BACH2: variants seen among roughly 807,000 people sequenced by gnomAD.
The protein encoded by BACH2 is transcription regulator protein BACH2.
BACH2 carries 5 observed loss-of-function variants against 61.8 expected under a neutral mutation model. That is an observed-to-expected ratio of 0.08 (90% CI 0.04 to 0.17). The LOEUF (loss-of-function observed/expected upper bound fraction) is 0.17, where lower values mean the gene tolerates loss of function less well. Among genes scored for constraint, BACH2 ranks in the 10% least tolerant of loss-of-function variants. The pLI is 1.00. For missense variants in BACH2, 824 were observed against 1,091.1 expected, an observed-to-expected ratio of 0.76 and a Z score of 3.45; for synonymous variants, 446 against 440.1, an observed-to-expected ratio of 1.01 and a Z score of -0.17.
At chr6:90,122,903 C>T in intron 4 of BACH2, among the ~76,000 whole-genome samples, 1 of 152,106 alleles carries the variant, frequency 6.6e-6, no homozygotes, top group Non-Finnish European at 1.5e-5. Context: ...AAAAAAGAGA[C>T]ATAAAACCGG....
At chr6:90,261,307 T>C (rs1258685123) in intron 2 of BACH2, among the ~76,000 whole-genome samples, 1 of 152,298 alleles carries the variant, frequency 6.6e-6, no homozygotes, top group Non-Finnish European at 1.5e-5. Flanking sequence ...CTCCTTCTTC[T>C]TCCTGTCTAA....
chr6:90,294,303 C>A (rs1582575747), intron 1 of BACH2, among the ~76,000 whole-genome samples: 1 of 152,202 alleles, frequency 6.6e-6, no homozygotes, highest in Non-Finnish European at 1.5e-5. Flanking sequence ...AAATACGGCT[C>A]TGCACCAATA....
At position 90,228,261 on chromosome 6, in the gene BACH2, T is replaced by C. The variant is rs142400230; in HGVS notation, c.-274-21580A>G. On this transcript the variant is annotated intron_variant, in intron 3 of 8. Transcript: ENST00000257749. ...TCTCCAACTTTCCACCATATCACTA[T>C]CTATCTGTAAGACGCTATCAGCCGT... Among the ~76,000 whole-genome samples the C allele has an allele frequency of 2.5e-3, 382 of 152,342 alleles. 7 individuals are homozygous for C. The highest frequency in any genetic ancestry group is 0.022 in the Admixed American group (341 of 15,294).
At chr6:90,215,871 C>A (rs1400236103) in intron 3 of BACH2, among the ~76,000 whole-genome samples, 1 of 152,172 alleles carries the variant, frequency 6.6e-6, no homozygotes, top group African/African-American at 2.4e-5. Context: ...CAGGTCCAGG[C>A]AGTTACCCCA....
chr6:90,186,739 G>A (rs1207845015), intron 4 of BACH2, among the ~76,000 whole-genome samples: 1 of 152,166 alleles, frequency 6.6e-6, no homozygotes, highest in Non-Finnish European at 1.5e-5. Flanking sequence ...TGAGTGTTAA[G>A]TGCTTCACTT....
At chr6:90,029,707 T>C (rs28667008) in intron 5 of BACH2, among the ~76,000 whole-genome samples, 1,525 of 152,294 alleles carry the variant, frequency 0.01, 20 homozygotes, top group African/African-American at 0.035. Flanking sequence ...AACAGGTCCA[T>C]ATGTCACTTC....
chr6:90,255,439 C>G (rs1377690399), intron 2 of BACH2, among the ~76,000 whole-genome samples: 5 of 152,092 alleles, frequency 3.3e-5, no homozygotes, highest in Non-Finnish European at 1.5e-5. Context: ...AGTGGTGAAA[C>G]TGAGACCCAA....
At chr6:89,978,685 A>C (rs1464202479) in intron 6 of BACH2, among the ~76,000 whole-genome samples, 10 of 151,594 alleles carry the variant, frequency 6.6e-5, no homozygotes, top group African/African-American at 2.2e-4. Context: ...ACATTAGCTT[A>C]AGACTTTAAA....
intron 3 of BACH2, among the ~76,000 whole-genome samples, chr6:90,224,819 C>T (rs1332535718): frequency 6.6e-6 from 1 of 152,110 alleles, no homozygotes; most frequent in African/African-American, 2.4e-5. Flanking sequence ...TATTTTAAGG[C>T]TCATCAAGTC....
intron 3 of BACH2, among the ~76,000 whole-genome samples, chr6:90,206,914 T>G (rs149886054): frequency 6.6e-6 from 1 of 152,242 alleles, no homozygotes; most frequent in African/African-American, 2.4e-5. Context: ...AGAAAGGCAG[T>G]GTACCATAAG....
intron 5 of BACH2, among the ~76,000 whole-genome samples, chr6:90,030,164 C>T (rs911883144): frequency 2.6e-5 from 4 of 152,162 alleles, no homozygotes; most frequent in African/African-American, 9.7e-5. Context: ...TGATCCCACC[C>T]CCTTATGTCC....
intron 6 of BACH2, among the ~76,000 whole-genome samples, chr6:89,989,246 C>A (rs912503328): frequency 6.6e-6 from 1 of 152,168 alleles, no homozygotes; most frequent in African/African-American, 2.4e-5. Flanking sequence ...AACAAATCTC[C>A]AGAACCTTTT....
chr6:90,221,652 G>A (rs1223104321), intron 3 of BACH2, among the ~76,000 whole-genome samples: 1 of 152,022 alleles, frequency 6.6e-6, no homozygotes, highest in Non-Finnish European at 1.5e-5. Context: ...GGGAAGGAGT[G>A]GCTAATTCTG....
chr6:90,240,088 T>TA (rs898088400), intron 3 of BACH2, among the ~76,000 whole-genome samples: 2 of 152,112 alleles, frequency 1.3e-5, no homozygotes, highest in African/African-American at 2.4e-5. Context: ...AATTAAGCAT[T>TA]AAAAAAATTC....
At chr6:90,186,872 C>G (rs1344435419) in intron 4 of BACH2, among the ~76,000 whole-genome samples, 1 of 152,212 alleles carries the variant, frequency 6.6e-6, no homozygotes, top group Non-Finnish European at 1.5e-5. Context: ...GCCTCTGTGT[C>G]AGAGCTGGAA....
intron 4 of BACH2, among the ~76,000 whole-genome samples, chr6:90,099,130 C>A (rs1782508579): frequency 6.6e-6 from 1 of 152,128 alleles, no homozygotes; most frequent in African/African-American, 2.4e-5. Context: ...CAAAAGCATA[C>A]TTCAGCCTTC....
At chr6:90,026,916 C>T (rs550847899) in intron 5 of BACH2, among the ~76,000 whole-genome samples, 4 of 152,210 alleles carry the variant, frequency 2.6e-5, no homozygotes, top group South Asian at 2.1e-4. Flanking sequence ...TTGGTTCACC[C>T]GGTAACTAAG....
rs1188969448 is a variant in BACH2 at position 89,951,287 on chromosome 6, C to T, written c.819G>A (p.Gly273=). Residue 273 remains glycine (G), a synonymous_variant, in exon 7 of 9, where the codon GGG becomes GGA. Transcript: ENST00000257749. This position sits in a 1 kb window ranked among gnomAD's most constrained non-coding sequence, Gnocchi z 6.4. ...CACTGGGCGGCTCACTTTTAATCTG[C>T]CCCCTGGCAAGCCCCGGCTTGAGGC... The part of the protein sequence containing the change: ...SNSLKPGLAR[G]QIKSEPPSEE... 1.9e-6 allele frequency: 3 copies of T among 1,614,168 alleles called. No homozygotes were observed. The East Asian group carries it at 6.7e-5, about 36-fold the overall frequency.
chr6:90,023,582 T>C (rs1395379445), intron 5 of BACH2, among the ~76,000 whole-genome samples: 1 of 152,136 alleles, frequency 6.6e-6, no homozygotes, highest in African/African-American at 2.4e-5. Context: ...AGGTATTTCT[T>C]TATAGCAGTG....
Sources: allele counts gnomAD v4.1 joint callset (sites outside exome capture counted in the v4.1 genomes callset), GRCh38; gene constraint gnomAD v4.1.1; non-coding constraint Gnocchi (gnomAD v3.1); transcripts MANE v1.5; gene names NCBI Gene and HGNC (gene_info 2026-07-23, HGNC 2026-07-21).